LAMA2: variants seen among roughly 807,000 people sequenced by gnomAD.
The protein encoded by LAMA2 is laminin subunit alpha-2.
In LAMA2, 269 loss-of-function variants were observed where a neutral mutation model predicts 364.8. The observed-to-expected ratio is 0.74, with a 90% confidence interval of 0.67 to 0.82. The LOEUF (loss-of-function observed/expected upper bound fraction) is 0.82, where lower values mean the gene tolerates loss of function less well. Ranked by LOEUF, LAMA2 falls within the 40% of genes least tolerant of loss-of-function variation. The pLI, the probability that LAMA2 is intolerant of heterozygous loss-of-function variation, is 0.00. For synonymous variants in LAMA2, 1,379 were observed against 1,370.6 expected (o/e 1.01, Z -0.14); for missense variants, 3,807 against 3,873.2 (o/e 0.98, Z 0.45).
intron 1 of LAMA2, among the ~76,000 whole-genome samples, chr6:128,938,274 A>G: frequency 6.6e-6 from 1 of 152,184 alleles, no homozygotes; most frequent in East Asian, 1.9e-4. Context: ...GATTGTGAAG[A>G]TGAAATGAAA....
intron 32 of LAMA2, among the ~76,000 whole-genome samples, chr6:129,358,943 T>C (rs936866487): frequency 2.6e-5 from 4 of 152,012 alleles, no homozygotes; most frequent in African/African-American, 9.7e-5. Context: ...ATTTCTCCTG[T>C]CTTTAAGCCC....
intron 12 of LAMA2, among the ~76,000 whole-genome samples, chr6:129,208,733 A>AGGAG (rs796714957): frequency 8.9e-5 from 12 of 135,150 alleles, no homozygotes; most frequent in African/African-American, 2.6e-4. Context: ...GAGGGAAGGA[A>AGGAG]GGAGGGAGGG....
At chr6:128,962,656 G>T (rs969470076) in intron 1 of LAMA2, among the ~76,000 whole-genome samples, 3 of 152,068 alleles carry the variant, frequency 2.0e-5, no homozygotes, top group Admixed American at 6.6e-5. Flanking sequence ...AAGACAAAAA[G>T]GCCTGATTTA....
At chr6:129,347,940 A>T (rs1013531374) in intron 30 of LAMA2, among the ~76,000 whole-genome samples, 2 of 152,224 alleles carry the variant, frequency 1.3e-5, no homozygotes, top group African/African-American at 4.8e-5. Flanking sequence ...ATTTTACTAT[A>T]ACGAAATGTA....
At chr6:128,956,183 T>C (rs1781133503) in intron 1 of LAMA2, among the ~76,000 whole-genome samples, 1 of 151,960 alleles carries the variant, frequency 6.6e-6, no homozygotes, top group Non-Finnish European at 1.5e-5. Flanking sequence ...CTCAAGGGCA[T>C]TTTAAAATAA....
intron 12 of LAMA2, among the ~76,000 whole-genome samples, chr6:129,238,770 A>G (rs1344903765): frequency 1.3e-5 from 2 of 152,202 alleles, no homozygotes; most frequent in African/African-American, 2.4e-5. Flanking sequence ...ATAAACCTAC[A>G]TTATACAATT....
At chr6:128,922,583 A>C (rs994045191) in intron 1 of LAMA2, among the ~76,000 whole-genome samples, 1 of 151,450 alleles carries the variant, frequency 6.6e-6, no homozygotes, top group Non-Finnish European at 1.5e-5. Context: ...AATTTGTTTG[A>C]GTTCATTGTA....
intron 1 of LAMA2, among the ~76,000 whole-genome samples, chr6:129,024,635 A>T (rs1785681937): frequency 6.6e-6 from 1 of 152,070 alleles, no homozygotes; most frequent in Non-Finnish European, 1.5e-5. Flanking sequence ...ACCTCAGGTG[A>T]TCCTCCCACC....
intron 22 of LAMA2, among the ~76,000 whole-genome samples, chr6:129,307,146 G>A (rs1022277427): frequency 3.3e-5 from 5 of 152,170 alleles, no homozygotes; most frequent in African/African-American, 1.2e-4. Context: ...GCTTGCTTTT[G>A]AGTTTTGTTA....
chr6:129,171,314 G>C (rs2115003684), intron 9 of LAMA2, among the ~76,000 whole-genome samples: 1 of 152,226 alleles, frequency 6.6e-6, no homozygotes, highest in Non-Finnish European at 1.5e-5. Context: ...GGCTGGTACT[G>C]GTTGTTCCTT....
chr6:129,204,891 G>A (rs548549787), intron 12 of LAMA2, among the ~76,000 whole-genome samples: 2 of 152,290 alleles, frequency 1.3e-5, no homozygotes, highest in East Asian at 3.9e-4. Flanking sequence ...AGTTTATAGA[G>A]AAGGAAATTT....
chr6:129,340,681 C>A (rs1230479555), intron 29 of LAMA2, among the ~76,000 whole-genome samples: 1 of 151,376 alleles, frequency 6.6e-6, no homozygotes, highest in African/African-American at 2.4e-5. Context: ...ACTAAAAATA[C>A]AAAAAATTAG....
intron 1 of LAMA2, among the ~76,000 whole-genome samples, chr6:129,020,910 G>A (rs1042116079): frequency 7.2e-5 from 11 of 152,170 alleles, no homozygotes; most frequent in African/African-American, 2.4e-4. Flanking sequence ...ATACTTTGGA[G>A]TACTATTTTC....
At chr6:128,953,639 A>G (rs1392171846) in intron 1 of LAMA2, among the ~76,000 whole-genome samples, 3 of 151,620 alleles carry the variant, frequency 2.0e-5, no homozygotes, top group African/African-American at 7.3e-5. Flanking sequence ...GTATGTCTAT[A>G]TATATATGTA....
rs377197457 is a variant in LAMA2, at chr6:129,460,182, C to T, written c.6868-18C>T. The T allele has an allele frequency of 7.6e-5, 122 of 1,610,242 alleles. 1 individual carries two copies. In the South Asian group the frequency reaches 7.9e-4, roughly 10 times the overall value. ...TGAAATTCCAAATTCTAGCAAATAA[C>T]GGTATTTCTTTCTGCAGAAGGCTGA... On this transcript the variant is annotated intron_variant, in intron 48 of 64. Coordinates refer to ENST00000421865, the MANE Select transcript of LAMA2 (RefSeq NM_000426.4).
intron 2 of LAMA2, among the ~76,000 whole-genome samples, chr6:129,051,239 T>G (rs951552023): frequency 4.7e-5 from 7 of 148,284 alleles, no homozygotes; most frequent in Non-Finnish European, 8.9e-5. Flanking sequence ...TACTTATATG[T>G]AATCTACATA....
At chr6:129,420,242 A>G (rs987891216) in intron 40 of LAMA2, among the ~76,000 whole-genome samples, 1 of 152,122 alleles carries the variant, frequency 6.6e-6, no homozygotes, top group Non-Finnish European at 1.5e-5. Context: ...ATATATTTTT[A>G]AAATGTATAT....
At chr6:129,016,187 G>A (rs1785064999) in intron 1 of LAMA2, among the ~76,000 whole-genome samples, 3 of 151,836 alleles carry the variant, frequency 2.0e-5, no homozygotes, top group Admixed American at 6.6e-5. Context: ...AATACCAAAC[G>A]GGGCCAAATA....
rs1306811831 is a variant in LAMA2 at position 129,158,793 on chromosome 6, A to G, written c.1206+4110A>G. The G allele has an allele frequency of 3.7e-6, 6 of 1,614,070 alleles. No individual in the cohort carries two copies. The African/African-American group carries it at 6.7e-5, about 18-fold the overall frequency. On this transcript the variant is annotated intron_variant, in intron 8 of 64. Transcript: ENST00000421865. ...AGCTGGGCTTTTGGAGAATCTTTGC[A>G]CTGAAAATCAGATCCTTCATATTTC...
Sources: allele counts gnomAD v4.1 joint callset (sites outside exome capture counted in the v4.1 genomes callset), GRCh38; gene constraint gnomAD v4.1.1; transcripts MANE v1.5; gene names NCBI Gene and HGNC (gene_info 2026-07-23, HGNC 2026-07-21).